Variants in DNAH5 observed in about 807,000 individuals in gnomAD.
DNAH5 encodes axonemal beta dynein heavy chain 5.
Under a neutral mutation model 518.2 loss-of-function variants are expected in DNAH5, and 372 were observed. The ratio of observed to expected loss-of-function variants is 0.72; its 90% confidence interval spans 0.66 to 0.78. DNAH5 has a LOEUF of 0.78. DNAH5 is among the 30% of genes least tolerant of loss of function. The pLI is 0.00. For missense variants in DNAH5, 5,523 were observed against 5,687.0 expected (o/e 0.97, Z 0.93); for synonymous variants, 2,039 against 2,025.9 (o/e 1.01, Z -0.17).
At chr5:13,982,542 A>G (rs1377758565) in intron 1 of DNAH5, among the ~76,000 whole-genome samples, 1 of 143,308 alleles carries the variant, frequency 7.0e-6, no homozygotes, top group Non-Finnish European at 1.6e-5. Flanking sequence ...GTGAGTAGAC[A>G]TATGCATTAT....
intron 76 of DNAH5, among the ~76,000 whole-genome samples, chr5:13,701,717 A>T (rs935603897): frequency 6.6e-6 from 1 of 152,222 alleles, no homozygotes; most frequent in Non-Finnish European, 1.5e-5. Flanking sequence ...ACGTCAATTG[A>T]ATCACTTTCC....
At chr5:13,865,560 A>C (rs376720139) in intron 27 of DNAH5, 108 bp downstream of exon 27, 2 of 788,616 alleles carry the variant, frequency 2.5e-6, no homozygotes, top group Non-Finnish European at 4.6e-6. Flanking sequence ...ACAATGCAGC[A>C]AGATGTGCTT....
Position 13,864,529 on chromosome 5 carries a change from A to G in DNAH5, c.4464T>C (p.Ser1488=), listed in dbSNP as rs2151908684. ...ECCPLLEYMA[S]KAMMERHWER... is the part of the protein sequence containing the mutation. ...CCCAGTGCCGCTCCATCATGGCTTTACTGGCCATGTATTCCAGCAGCGGGC... is the reference window on the plus strand; with the variant it reads ...CCCAGTGCCGCTCCATCATGGCTTTGCTGGCCATGTATTCCAGCAGCGGGC... The change falls in exon 28 of 79, where the codon AGT becomes AGC. Residue 1488 remains serine, a synonymous_variant. Transcript: ENST00000265104. 6.2e-7 allele frequency: 1 copy of G among 1,614,026 alleles called. No homozygotes were observed. Among genetic ancestry groups the G allele is most frequent in the Non-Finnish European group, 8.5e-7 (1 of 1,180,016 alleles).
At chr5:13,764,728 C>A (rs1033391869) in intron 59 of DNAH5, among the ~76,000 whole-genome samples, 2 of 152,182 alleles carry the variant, frequency 1.3e-5, no homozygotes, top group African/African-American at 4.8e-5. Context: ...CCTAGAGCCA[C>A]CAAATGACCA....
intron 1 of DNAH5, among the ~76,000 whole-genome samples, chr5:13,972,909 C>T (rs1417124603): frequency 1.3e-5 from 2 of 152,062 alleles, no homozygotes; most frequent in South Asian, 2.1e-4. Flanking sequence ...AAAAAATGCC[C>T]GTGTTCCTGG....
rs748829660 is a variant in DNAH5, at chr5:13,882,957, T to C, written c.3121A>G (p.Ile1041Val). 1.2e-6 allele frequency: 2 copies of C among 1,614,196 alleles called. No individual in the cohort carries two copies. Among genetic ancestry groups the C allele is most frequent in the South Asian group, 2.2e-5 (2 of 91,090 alleles). Reference protein sequence around the residue: ...QQTLNKAVECIISVPKGVRQW... With the variant: ...QQTLNKAVECVISVPKGVRQW... ...CTGACCCCCTTAGGGACACTGATGA[T>C]GCACTCCACGGCTTTGTTCAGGGTC... The change falls in exon 20 of 79, where the codon ATC becomes GTC. Residue 1041 changes from isoleucine (I) to valine (V), a missense_variant. This residue lies in a region of DNAH5 where 5,121 missense variants were observed against 5,223.3 expected (regional missense o/e 0.98). Transcript: ENST00000265104.
intron 14 of DNAH5, chr5:13,900,788 A>G (rs1019771826): frequency 2.8e-5 from 9 of 322,262 alleles, no homozygotes; most frequent in African/African-American, 1.9e-4. Flanking sequence ...CTTATCTAGA[A>G]AAACAATGAA....
At chr5:13,917,006 A>G in intron 8 of DNAH5, 137 bp downstream of exon 8, 1 of 709,954 alleles carries the variant, frequency 1.4e-6, no homozygotes, top group Non-Finnish European at 2.5e-6. Flanking sequence ...ACCTATATAT[A>G]TGTAATTTTC....
chr5:13,918,228 C>A (rs746094539), intron 7 of DNAH5, among the ~76,000 whole-genome samples: 14 of 152,196 alleles, frequency 9.2e-5, no homozygotes, highest in Non-Finnish European at 2.1e-4. Context: ...TTCTAAGCTG[C>A]TCTACAGAGA....
At position 13,755,694 on chromosome 5, in the gene DNAH5, G is replaced by A. The variant is rs147816277; in HGVS notation, c.10420-1356C>T. On this transcript the variant is annotated intron_variant, in intron 61 of 78. Transcript: ENST00000265104. Reference sequence around the variant, plus strand: ...TCGGAGAGAACCATCCCCCAACTACGGCTACTCACATCTGTTTGTTTCCCT... The same window carrying A: ...TCGGAGAGAACCATCCCCCAACTACAGCTACTCACATCTGTTTGTTTCCCT... 2.6e-4 allele frequency among the ~76,000 whole-genome samples: 39 copies of A among 152,148 alleles called. 1 individual carries two copies. In the East Asian group the frequency reaches 6.8e-3, roughly 26 times the overall value.
chr5:13,964,889 T>G lies in DNAH5; in HGVS notation c.13-33645A>C, dbSNP rs80233121. 1.3e-4 allele frequency among the ~76,000 whole-genome samples: 20 copies of G among 152,366 alleles called. No homozygotes were observed. In the East Asian group the frequency reaches 2.9e-3, roughly 22 times the overall value. The stretch of plus-strand genomic sequence containing the variant: ...CAGGACCCTTTGTCATTTCTCACCC[T>G]AAATCTCCTCTCTTTTGTCCCCTTT... On this transcript the variant is annotated intron_variant, in intron 1 of 78. Transcript: ENST00000681290.
rs149834171 is a variant in DNAH5 at position 13,840,923 on chromosome 5, C to T, written c.5692G>A (p.Asp1898Asn). ...TLITIHVHQRDIFDDLCHMHI... is the reference protein window; with the variant it reads ...TLITIHVHQRNIFDDLCHMHI... ...GAATTTACCAGGTCATCAAAGATAT[C>T]CCTTTGGTGCACATGAATAGTAATC... Residue 1898 changes from aspartate to asparagine, a missense_variant, in exon 34 of 79, where the codon GAT becomes AAT. Physicochemically the swap from Asp to Asn is conservative, Grantham distance 23 (BLOSUM62 1). This residue lies in a region of DNAH5 where 5,121 missense variants were observed against 5,223.3 expected (regional missense o/e 0.98). Coordinates refer to ENST00000265104, the MANE Select transcript of DNAH5 (RefSeq NM_001369.3). 26 of 1,613,462 alleles carry T rather than the reference C, an allele frequency of 1.6e-5. No homozygotes were observed. In the African/African-American group the frequency reaches 3.3e-4, roughly 21 times the overall value.
In DNAH5 at chr5:13,691,657, G is replaced by A; in HGVS notation, c.*327C>T. ...TAACAGAAGAATAATTCCTCCCAGAGAAATACTGTCTGCTTACCCTAGTCA... is the reference window on the plus strand; with the variant it reads ...TAACAGAAGAATAATTCCTCCCAGAAAAATACTGTCTGCTTACCCTAGTCA... On this transcript the variant is annotated 3_prime_UTR_variant, in exon 79 of 79. Transcript: ENST00000265104. 1 of 299,082 alleles carries A rather than the reference G, an allele frequency of 3.3e-6. No homozygotes were observed. Among genetic ancestry groups the A allele is most frequent in the South Asian group, 3.6e-5 (1 of 27,414 alleles). The allele number at this position is 299,082 out of a possible 1,614,324, so 18.5% of individuals were successfully genotyped here.
chr5:13,875,465 C>CAAA lies in DNAH5; in HGVS notation c.3396+1216_3396+1218dup, dbSNP rs70964513. 1.1e-3 allele frequency among the ~76,000 whole-genome samples: 115 copies of CAAA among 105,914 alleles called. 3 individuals are homozygous for CAAA. The highest frequency in any genetic ancestry group is 6.1e-3 in the East Asian group (21 of 3,458). The allele number at this position is 105,914 out of a possible 152,430, so 69.5% of individuals were successfully genotyped here. On this transcript the variant is annotated intron_variant, in intron 22 of 78. Coordinates refer to ENST00000265104, the MANE Select transcript of DNAH5 (RefSeq NM_001369.3). ...CTAGGCAGCAAGAGTGAAACTCCTT[C>CAAA]AAAAAAAAAAAAAAAAAAAAAGACA...
At chr5:13,766,768 G>A (rs2126765528) in intron 58 of DNAH5, among the ~76,000 whole-genome samples, 1 of 152,246 alleles carries the variant, frequency 6.6e-6, no homozygotes, top group Non-Finnish European at 1.5e-5. Context: ...TTTCTAGTAT[G>A]TATACACTTA....
chr5:13,878,645 A>T (rs1424037108), intron 21 of DNAH5, among the ~76,000 whole-genome samples: 1 of 152,174 alleles, frequency 6.6e-6, no homozygotes, highest in African/African-American at 2.4e-5. Context: ...CTCCTACCCA[A>T]AGGACTGTCT....
rs761496917 is a variant in DNAH5, at chr5:13,777,184, G to C, written c.9105+18C>G. ...AATCTGAAGGGATAAAACACATAAA[G>C]AATAAATGAGCTCCTACCTCACCTG... is the stretch of plus-strand genomic sequence containing the variant. On this transcript the variant is annotated intron_variant, in intron 54 of 78. Transcript: ENST00000265104. 4 of 1,609,048 alleles carry C rather than the reference G, an allele frequency of 2.5e-6. No individual in the cohort carries two copies. The highest frequency in any genetic ancestry group is 3.4e-6 in the Non-Finnish European group (4 of 1,176,552).
intron 12 of DNAH5, among the ~76,000 whole-genome samples, chr5:13,906,125 G>A (rs1007307170): frequency 6.6e-6 from 1 of 152,188 alleles, no homozygotes; most frequent in African/African-American, 2.4e-5. Context: ...TGAATAGGTG[G>A]AGCACAGGGG....
At chr5:13,843,369 G>C (rs564922751) in intron 32 of DNAH5, among the ~76,000 whole-genome samples, 1 of 152,062 alleles carries the variant, frequency 6.6e-6, no homozygotes, top group African/African-American at 2.4e-5. Flanking sequence ...GCTGAATTCC[G>C]TAATGTAATG....
Sources: allele counts gnomAD v4.1 joint callset (sites outside exome capture counted in the v4.1 genomes callset), GRCh38; gene constraint gnomAD v4.1.1; regional missense constraint gnomAD v4.1.1; transcripts MANE v1.5; gene names NCBI Gene and HGNC (gene_info 2026-07-23, HGNC 2026-07-21).